Variants in HS6ST2 observed in about 807,000 individuals in gnomAD.
HS6ST2 encodes heparan sulfate 6-O-sulfotransferase 2.
A neutral mutation model predicts 33.0 loss-of-function variants in HS6ST2; 17 were observed. The observed-to-expected ratio is 0.52, with a 90% CI of 0.35 to 0.77. The LOEUF (loss-of-function observed/expected upper bound fraction) is 0.77. Among genes scored for constraint, HS6ST2 ranks in the 30% least tolerant of loss-of-function variants. The pLI, the probability that HS6ST2 is intolerant of heterozygous loss-of-function variation, is 0.01. For synonymous variants in HS6ST2, 248 were observed against 237.1 expected (o/e 1.05, Z -0.42); for missense variants, 519 against 551.7 (o/e 0.94, Z 0.59).
In HS6ST2 at chrX:132,881,770, T is replaced by A. The variant is rs762281755; in HGVS notation, c.947+75038A>T. On this transcript the variant is annotated intron_variant, in intron 2 of 4. Transcript: ENST00000370833. ...TTTATGGTTTTAGGTCTAACATGTA[T>A]GTCTTTAATCCATCTTGAATTAATT... 2.2e-3 allele frequency among the ~76,000 whole-genome samples: 248 copies of A among 111,689 alleles called. 4 individuals carry two copies. The East Asian group carries it at 0.028, about 13-fold the overall frequency.
At chrX:132,950,229 G>C (rs1384293026) in intron 2 of HS6ST2, among the ~76,000 whole-genome samples, 2 of 111,471 alleles carry the variant, frequency 1.8e-5, no homozygotes, top group Non-Finnish European at 3.8e-5. Context: ...CATCTACCTG[G>C]TTCTTCCCGG....
chrX:132,827,253 T>C (rs767535383), intron 2 of HS6ST2, among the ~76,000 whole-genome samples: 15 of 111,257 alleles, frequency 1.3e-4, no homozygotes, highest in Non-Finnish European at 2.8e-4. Flanking sequence ...GCCTAGAAAT[T>C]GTTGAGTGCT....
chrX:132,950,249 C>T (rs2066998514), intron 2 of HS6ST2, among the ~76,000 whole-genome samples: 2 of 111,856 alleles, frequency 1.8e-5, no homozygotes, highest in Admixed American at 1.9e-4. Flanking sequence ...GTAACCCCAG[C>T]ACATAGCACA....
intron 2 of HS6ST2, among the ~76,000 whole-genome samples, chrX:132,866,411 G>A (rs1160194301): frequency 1.1e-5 from 1 of 92,203 alleles, no homozygotes; most frequent in Non-Finnish European, 2.1e-5. Context: ...GTCAGGTAGT[G>A]TGATGCCTCC....
At chrX:132,814,104 C>T (rs1181133048) in intron 2 of HS6ST2, among the ~76,000 whole-genome samples, 4 of 110,712 alleles carry the variant, frequency 3.6e-5, no homozygotes, top group South Asian at 3.9e-4. Flanking sequence ...CCACCACGCC[C>T]GGATAATTTT....
At chrX:132,855,089 G>C (rs1322123162) in intron 2 of HS6ST2, among the ~76,000 whole-genome samples, 2 of 112,238 alleles carry the variant, frequency 1.8e-5, no homozygotes, top group Non-Finnish European at 3.8e-5. Context: ...AACCCCCGTA[G>C]CCTGTTACCT....
At chrX:132,919,152 C>T (rs1002774311) in intron 2 of HS6ST2, among the ~76,000 whole-genome samples, 7 of 112,112 alleles carry the variant, frequency 6.2e-5, no homozygotes, top group South Asian at 3.7e-4. Context: ...CAGACTAGAC[C>T]GCTGCAGGAC....
chrX:132,958,595 A>T lies in HS6ST2; in HGVS notation c.8T>A (p.Leu3Gln), dbSNP rs770613676. 1.7e-5 allele frequency: 20 copies of T among 1,169,021 alleles called. No homozygotes were observed. In the East Asian group the frequency reaches 6.3e-4, roughly 37 times the overall value. The change falls in exon 1 of 5, where the codon CTG becomes CAG. Residue 3 changes from leucine to glutamine, a missense_variant. By Grantham distance (113) the Leu-to-Gln change is moderately radical (BLOSUM62 -2). Coordinates refer to ENST00000370833, the MANE Select transcript of HS6ST2 (RefSeq NM_001394073.1). ...GAACTCCCGGACTGCACACGCAGGC[A>T]GTGCCATTCCCCCCTTCAGGCAACT... MALPACAVREFEP... is the reference protein window; with the variant it reads MAQPACAVREFEP...
intron 2 of HS6ST2, among the ~76,000 whole-genome samples, chrX:132,754,863 C>T (rs2064742690): frequency 9.0e-6 from 1 of 111,060 alleles, no homozygotes; most frequent in Middle Eastern, 4.7e-3. Flanking sequence ...AGGCACATGC[C>T]ACCATGCCTG....
intron 2 of HS6ST2, among the ~76,000 whole-genome samples, chrX:132,939,963 T>G (rs1482749069): frequency 3.6e-5 from 4 of 111,831 alleles, no homozygotes; most frequent in African/African-American, 1.3e-4. Flanking sequence ...AAATTCACAA[T>G]GAAATTCAAG....
intron 2 of HS6ST2, among the ~76,000 whole-genome samples, chrX:132,776,949 T>C (rs2064965986): frequency 9.1e-6 from 1 of 110,051 alleles, no homozygotes; most frequent in Non-Finnish European, 1.9e-5. Context: ...CTCATTTGAC[T>C]GTCTCATACT....
At chrX:132,944,461 T>A (rs2066922150) in intron 2 of HS6ST2, among the ~76,000 whole-genome samples, 2 of 111,691 alleles carry the variant, frequency 1.8e-5, no homozygotes, top group Non-Finnish European at 3.8e-5. Flanking sequence ...GCCATCCCCA[T>A]CAAGCTACCA....
intron 3 of HS6ST2, among the ~76,000 whole-genome samples, chrX:132,704,001 C>T (rs1190551184): frequency 2.7e-5 from 3 of 111,733 alleles, no homozygotes; most frequent in Non-Finnish European, 5.6e-5. Flanking sequence ...CTGTGTTGCT[C>T]CACAGAGAGC....
intron 2 of HS6ST2, among the ~76,000 whole-genome samples, chrX:132,904,537 G>C (rs1345126645): frequency 1.9e-5 from 2 of 103,654 alleles, no homozygotes. Context: ...TTCTCTTTGT[G>C]TGTGTGTGTG....
chrX:132,905,125 CAACA>C (rs773094738), intron 2 of HS6ST2, among the ~76,000 whole-genome samples: 79 of 111,361 alleles, frequency 7.1e-4, no homozygotes, highest in African/African-American at 2.5e-3. Context: ...TCCAGATAAC[CAACA>C]AACACTGTTG....
rs186306266 is a variant in HS6ST2 at position 132,629,965 on chromosome X, T to C, written c.1068-872A>G. Among the ~76,000 whole-genome samples the C allele has an allele frequency of 2.4e-3, 271 of 112,746 alleles. 1 individual carries two copies. The highest frequency in any genetic ancestry group is 7.9e-3 in the African/African-American group (245 of 31,092). On this transcript the variant is annotated intron_variant, in intron 4 of 4. Transcript: ENST00000370833. Reference sequence around the variant, plus strand: ...CAGCAAGTGTGGAGGCTTTGCTGTATGGCTGTCTTCTCTTTAGGGCTTCAA... The same window carrying C: ...CAGCAAGTGTGGAGGCTTTGCTGTACGGCTGTCTTCTCTTTAGGGCTTCAA...
intron 4 of HS6ST2, among the ~76,000 whole-genome samples, chrX:132,643,704 G>A (rs780304837): frequency 2.7e-5 from 3 of 111,317 alleles, no homozygotes; most frequent in Non-Finnish European, 3.8e-5. Flanking sequence ...CAATGAACAG[G>A]AATCGGCTTT....
chrX:132,903,625 T>C (rs996446901), intron 2 of HS6ST2, among the ~76,000 whole-genome samples: 3 of 111,909 alleles, frequency 2.7e-5, no homozygotes, highest in Non-Finnish European at 5.6e-5. Context: ...TAGTCAATGA[T>C]TGTCAACAAG....
intron 2 of HS6ST2, among the ~76,000 whole-genome samples, chrX:132,924,339 A>C (rs2066687966): frequency 8.9e-6 from 1 of 112,415 alleles, no homozygotes; most frequent in South Asian, 3.7e-4. Flanking sequence ...TTTAGGTTTG[A>C]AACAGTTAAT....
Sources: gnomAD v4.1 joint callset for allele counts (sites outside exome capture counted in the v4.1 genomes callset) on GRCh38, gnomAD v4.1.1 for gene constraint, MANE v1.5 for transcripts, NCBI Gene and HGNC (gene_info 2026-07-23, HGNC 2026-07-21) for gene names.